The following PPP4R2 variants were observed in gnomAD, a reference collection of about 807,000 sequenced individuals.
PPP4R2 encodes the protein serine/threonine-protein phosphatase 4 regulatory subunit 2.
A neutral mutation model predicts 47.2 loss-of-function variants in PPP4R2; 13 were observed. The observed-to-expected ratio is 0.28, with a 90% CI of 0.18 to 0.44. The LOEUF (loss-of-function observed/expected upper bound fraction) is 0.44. Among genes scored for constraint, PPP4R2 ranks in the 20% least tolerant of loss-of-function variants. The pLI is 1.00. For synonymous variants in PPP4R2, 151 were observed against 163.3 expected, an observed-to-expected ratio of 0.92 and a Z score of 0.57; for missense variants, 421 against 491.2, an observed-to-expected ratio of 0.86 and a Z score of 1.35.
chr3:73,016,813 C>CTTTTT (rs1207946652), intron 2 of PPP4R2, among the ~76,000 whole-genome samples: 20 of 72,890 alleles, frequency 2.7e-4, no homozygotes, highest in African/African-American at 1.0e-3. Context: ...TTCATTGTTT[C>CTTTTT]TTTTTTTTTT....
At position 72,998,178 on chromosome 3, in the gene PPP4R2, T is replaced by C; in HGVS notation, c.116+20T>C. 1 of 1,537,342 alleles carries C rather than the reference T, an allele frequency of 6.5e-7. No homozygotes were observed. The highest frequency in any genetic ancestry group is 8.9e-7 in the Non-Finnish European group (1 of 1,119,804). On this transcript the variant is annotated intron_variant, in intron 2 of 8. Coordinates refer to ENST00000356692, the MANE Select transcript of PPP4R2 (RefSeq NM_174907.4). ...AACAATGTGAGTTGAAAACATGCAT[T>C]TGTCGTTATAGACCAGTGCATTATT...
chr3:73,024,238 AAG>A (rs1281827364), intron 2 of PPP4R2, among the ~76,000 whole-genome samples: 1 of 152,172 alleles, frequency 6.6e-6, no homozygotes, highest in Non-Finnish European at 1.5e-5. Context: ...ATATTGGAAA[AAG>A]GTAAAATTCA....
At chr3:72,997,153 G>A (rs1701363893) in intron 1 of PPP4R2, 82 bp downstream of exon 1, 1 of 1,155,116 alleles carries the variant, frequency 8.7e-7, no homozygotes, top group Admixed American at 4.1e-5. Flanking sequence ...TGGTTCCGAG[G>A]ACCGGGGCCG....
intron 2 of PPP4R2, chr3:73,027,803 G>A (rs1023502503): frequency 6.6e-6 from 1 of 151,714 alleles, no homozygotes; most frequent in African/African-American, 2.4e-5. Flanking sequence ...AGGGTTAAGA[G>A]TGGAGAATGT....
chr3:73,011,573 A>G (rs1246756472), intron 2 of PPP4R2, among the ~76,000 whole-genome samples: 1 of 152,168 alleles, frequency 6.6e-6, no homozygotes, highest in Non-Finnish European at 1.5e-5. Context: ...GGCTTACCTA[A>G]GCTTGACCTC....
chr3:73,016,733 A>C (rs6774989), intron 2 of PPP4R2, among the ~76,000 whole-genome samples: 32,872 of 101,072 alleles, frequency 0.33, 8,209 homozygotes, highest in Non-Finnish European at 0.36. Context: ...TTCATTGTTT[A>C]TTTTTATTAT....
chr3:73,017,339 C>G (rs956349005), intron 2 of PPP4R2, among the ~76,000 whole-genome samples: 2 of 123,406 alleles, frequency 1.6e-5, no homozygotes, highest in Non-Finnish European at 3.4e-5. Flanking sequence ...CTTTAGTTTC[C>G]CATAAATTCT....
chr3:73,007,988 A>G (rs1701647142), intron 2 of PPP4R2, among the ~76,000 whole-genome samples: 1 of 151,752 alleles, frequency 6.6e-6, no homozygotes, highest in Non-Finnish European at 1.5e-5. Context: ...AATTTTTTTT[A>G]AGTGGAAAGA....
At chr3:73,050,320 A>C (rs914445569) in intron 3 of PPP4R2, among the ~76,000 whole-genome samples, 1 of 152,178 alleles carries the variant, frequency 6.6e-6, no homozygotes, top group African/African-American at 2.4e-5. Context: ...TTCTCTGAGC[A>C]GGCAGAATCT....
intron 2 of PPP4R2, among the ~76,000 whole-genome samples, chr3:73,041,385 T>C (rs1575870413): frequency 6.6e-6 from 1 of 152,386 alleles, no homozygotes; most frequent in Admixed American, 6.5e-5. Flanking sequence ...GTTTTCTTAC[T>C]TTTGCAGATC....
chr3:73,030,329 A>C (rs149677609), intron 2 of PPP4R2, among the ~76,000 whole-genome samples: 2 of 152,210 alleles, frequency 1.3e-5, no homozygotes, highest in Non-Finnish European at 2.9e-5. Flanking sequence ...GTACATGTAC[A>C]TGACAGTAGG....
chr3:73,037,853 TC>T (rs1445050363), intron 2 of PPP4R2, among the ~76,000 whole-genome samples: 6 of 152,212 alleles, frequency 3.9e-5, no homozygotes, highest in Admixed American at 3.3e-4. Context: ...TGTTTTATTT[TC>T]TATTTAATAT....
chr3:73,050,341 TA>T (rs1702585040), intron 3 of PPP4R2, among the ~76,000 whole-genome samples: 1 of 152,240 alleles, frequency 6.6e-6, no homozygotes, highest in South Asian at 2.1e-4. Flanking sequence ...AAGTCTTATT[TA>T]ATCAGTGATA....
At chr3:73,006,311 G>A (rs755855692) in intron 2 of PPP4R2, among the ~76,000 whole-genome samples, 1 of 148,406 alleles carries the variant, frequency 6.7e-6, no homozygotes, top group Admixed American at 7.0e-5. Flanking sequence ...CTATTCTTCC[G>A]TCTCAGCCTC....
intron 1 of PPP4R2, 154 bp downstream of exon 1, chr3:72,997,225 G>A: frequency 2.0e-6 from 1 of 502,948 alleles, no homozygotes; most frequent in Non-Finnish European, 3.3e-6. Context: ...CAGGGGCGGG[G>A]AGCCCTGTGG....
chr3:73,062,754 G>A, intron 5 of PPP4R2: 1 of 1,613,982 alleles, frequency 6.2e-7, no homozygotes, highest in Non-Finnish European at 8.5e-7. Flanking sequence ...ACTTTCACAT[G>A]GTGAGAGTGC....
intron 5 of PPP4R2, chr3:73,062,556 G>A (rs1168840791): frequency 6.2e-7 from 1 of 1,613,972 alleles, no homozygotes. Flanking sequence ...TGAGAACGAG[G>A]AAAGGGGTAC....
intron 3 of PPP4R2, among the ~76,000 whole-genome samples, chr3:73,052,977 C>T (rs938391809): frequency 6.6e-6 from 1 of 152,148 alleles, no homozygotes; most frequent in Admixed American, 6.5e-5. Context: ...TAAAACAACC[C>T]ACATTTGATT....
chr3:73,030,235 GGTGATCAAATGGCAAA>G (rs1464019337), intron 2 of PPP4R2, among the ~76,000 whole-genome samples: 1 of 152,148 alleles, frequency 6.6e-6, no homozygotes, highest in East Asian at 1.9e-4. Context: ...CTCTTGAGTA[GGTGATCAAATGGCAAA>G]TGTGGTATAT....
Sources: gnomAD v4.1 joint callset for allele counts (sites outside exome capture counted in the v4.1 genomes callset) on GRCh38, gnomAD v4.1.1 for gene constraint, MANE v1.5 for transcripts, NCBI Gene and HGNC (gene_info 2026-07-23, HGNC 2026-07-21) for gene names.